MACF1: variants seen among roughly 807,000 people sequenced by gnomAD.
The protein encoded by MACF1 is microtubule-actin cross-linking factor 1.
MACF1 carries 193 observed loss-of-function variants against 854.8 expected under a neutral mutation model. The observed-to-expected ratio is 0.23, with a 90% CI of 0.20 to 0.25. The LOEUF (loss-of-function observed/expected upper bound fraction) is 0.25. Among genes scored for constraint, MACF1 ranks in the 10% least tolerant of loss-of-function variants. MACF1 has a pLI of 1.00. For missense variants in MACF1, 7,722 were observed against 8,929.1 expected, an observed-to-expected ratio of 0.86 and a Z score of 5.45; for synonymous variants, 3,185 against 3,226.7, an observed-to-expected ratio of 0.99 and a Z score of 0.44.
intron 2 of MACF1, among the ~76,000 whole-genome samples, chr1:39,238,425 A>G (rs1209881992): frequency 6.6e-6 from 1 of 152,176 alleles, no homozygotes; most frequent in Non-Finnish European, 1.5e-5. Context: ...AGCTCCCCAG[A>G]GGGTTCTATT....
At chr1:39,134,539 C>T (rs1347109058) in intron 2 of MACF1, among the ~76,000 whole-genome samples, 4 of 152,224 alleles carry the variant, frequency 2.6e-5, no homozygotes, top group South Asian at 4.2e-4. Context: ...TGGAAAGGAA[C>T]CCTGGCTTTG....
intron 6 of MACF1, among the ~76,000 whole-genome samples, chr1:39,277,925 T>C (rs139009469): frequency 6.6e-6 from 1 of 152,316 alleles, no homozygotes; most frequent in East Asian, 1.9e-4. Context: ...TTCTCCATGG[T>C]GCCAGTCATA....
chr1:39,340,418 G>A, intron 38 of MACF1, 84 bp from the exon 39 acceptor site: 1 of 923,840 alleles, frequency 1.1e-6, no homozygotes. Flanking sequence ...TGTAGACATG[G>A]GGTGAGAGAG....
chr1:39,269,363 G>A (rs1327333691), intron 6 of MACF1: 1 of 1,289,732 alleles, frequency 7.8e-7, no homozygotes, highest in African/African-American at 1.5e-5. Flanking sequence ...GCTGGAGTGT[G>A]GAGGAAGGAA....
intron 58 of MACF1, among the ~76,000 whole-genome samples, chr1:39,408,983 T>TCG (rs1239737062): frequency 2.7e-5 from 4 of 146,106 alleles, no homozygotes; most frequent in South Asian, 2.3e-4. Context: ...GCTCTCCGCG[T>TCG]CGCGCGCTCC....
chr1:39,284,254 C>T, intron 10 of MACF1, 69 bp downstream of exon 10: 2 of 1,582,752 alleles, frequency 1.3e-6, no homozygotes, highest in Admixed American at 3.6e-5. Flanking sequence ...CTTATCACTG[C>T]TGGCTTCTAG....
At chr1:39,102,039 G>A (rs977589321) in intron 2 of MACF1, among the ~76,000 whole-genome samples, 4 of 151,712 alleles carry the variant, frequency 2.6e-5, no homozygotes, top group Non-Finnish European at 4.4e-5. Flanking sequence ...AGCCGGGCGA[G>A]GTGGCGGGCG....
intron 100 of MACF1, chr1:39,485,189 TC>T: frequency 3.2e-6 from 1 of 313,432 alleles, no homozygotes; most frequent in Non-Finnish European, 5.9e-6. Context: ...GCTGGCTGCT[TC>T]CCCTCATTTT....
At chr1:39,467,495 T>C (rs1644695430) in intron 95 of MACF1, among the ~76,000 whole-genome samples, 1 of 152,242 alleles carries the variant, frequency 6.6e-6, no homozygotes, top group Non-Finnish European at 1.5e-5. Flanking sequence ...TACTTCTCTT[T>C]TGTTGCTCCT....
In MACF1 at chr1:39,460,607, A is replaced by G. The variant is rs766040599; in HGVS notation, c.21361-25A>G. On this transcript the variant is annotated intron_variant, in intron 91 of 100. Transcript: ENST00000564288. This position sits in a 1 kb window ranked among gnomAD's most constrained non-coding sequence, Gnocchi z 4.1. ...TTTGAGGGCCCAAAAAATAAATCTT[A>G]TTGACACTTCTGATTTCTGTGTAGT... The G allele has an allele frequency of 4.3e-6, 7 of 1,612,658 alleles. No homozygotes were observed. In the East Asian group the frequency reaches 1.6e-4, roughly 36 times the overall value.
At chr1:39,449,333 A>G (rs1178464625) in intron 84 of MACF1, among the ~76,000 whole-genome samples, 4 of 152,182 alleles carry the variant, frequency 2.6e-5, no homozygotes, top group Non-Finnish European at 5.9e-5. Flanking sequence ...TAAAAGTTGT[A>G]CTTTTATCTA....
chr1:39,262,722 C>T (rs1209829077), intron 6 of MACF1, among the ~76,000 whole-genome samples: 2 of 152,190 alleles, frequency 1.3e-5, no homozygotes, highest in African/African-American at 4.8e-5. Context: ...CCTAGTCTGT[C>T]TTCTGCATGC....
chr1:39,278,721 G>C (rs1024389221), intron 6 of MACF1, among the ~76,000 whole-genome samples: 1 of 152,192 alleles, frequency 6.6e-6, no homozygotes, highest in Admixed American at 6.5e-5. Context: ...CAGTGAAATA[G>C]GTAGCTAGAA....
chr1:39,474,416 C>T (rs539021770), intron 97 of MACF1, among the ~76,000 whole-genome samples: 1 of 151,720 alleles, frequency 6.6e-6, no homozygotes, highest in Non-Finnish European at 1.5e-5. Context: ...AAATATATGG[C>T]CAGGCACAGT....
At chr1:39,190,395 G>GTTGTTT (rs1644237768) in intron 2 of MACF1, among the ~76,000 whole-genome samples, 7 of 79,038 alleles carry the variant, frequency 8.9e-5, no homozygotes, top group Non-Finnish European at 1.4e-4. Flanking sequence ...GTGTGTGTTT[G>GTTGTTT]TTTTTGTTTT....
intron 2 of MACF1, among the ~76,000 whole-genome samples, chr1:39,141,981 C>G (rs568811408): frequency 1.3e-5 from 2 of 152,318 alleles, no homozygotes; most frequent in African/African-American, 4.8e-5. Context: ...AAAGAGATAA[C>G]TGACTCCTTT....
intron 2 of MACF1, among the ~76,000 whole-genome samples, chr1:39,107,406 T>G (rs1642272621): frequency 6.6e-6 from 1 of 152,058 alleles, no homozygotes; most frequent in Admixed American, 6.6e-5. Context: ...ACTTAATCCT[T>G]CCCAGACACA....
Position 39,441,307 on chromosome 1 carries a change from G to T in MACF1, c.18654G>T (p.Gln6218His), listed in dbSNP as rs1165057547. Residue 6218 changes from glutamine (Q) to histidine (H), a missense_variant, in exon 74 of 101, where the codon CAG becomes CAT. Physicochemically the swap from Gln to His is conservative, Grantham distance 24 (BLOSUM62 0). Around this residue, in one of 15 missense-constraint regions of MACF1, gnomAD observed 2,807 missense variants for 3,235.8 expected, o/e 0.87. Coordinates refer to ENST00000564288, the MANE Select transcript of MACF1 (RefSeq NM_001394062.1). ...AGGATGCTATGCAAGCTGCTGTGCAGTATCAGGACACTCTTCAGGTGAGAG... is the reference window on the plus strand; with the variant it reads ...AGGATGCTATGCAAGCTGCTGTGCATTATCAGGACACTCTTCAGGTGAGAG... ...KLEDAMQAAV[Q>H]YQDTLQAMFD... 14 of 1,613,970 alleles carry T rather than the reference G, an allele frequency of 8.7e-6. No homozygotes were observed. The highest frequency in any genetic ancestry group is 1.1e-5 in the Non-Finnish European group (13 of 1,179,870).
chr1:39,412,350 T>C, intron 58 of MACF1: 1 of 1,613,976 alleles, frequency 6.2e-7, no homozygotes, highest in South Asian at 1.1e-5. Context: ...ATCAAGAAAA[T>C]AACAGTCTGA....
Sources: gnomAD v4.1 joint callset for allele counts (sites outside exome capture counted in the v4.1 genomes callset) on GRCh38, gnomAD v4.1.1 for gene constraint, gnomAD v4.1.1 regional missense constraint, Gnocchi (gnomAD v3.1) non-coding constraint, MANE v1.5 for transcripts, NCBI Gene and HGNC (gene_info 2026-07-23, HGNC 2026-07-21) for gene names.